Variants in COL23A1 observed in about 807,000 individuals in gnomAD.
The protein encoded by COL23A1 is collagen alpha-1(XXIII) chain.
A neutral mutation model predicts 99.3 loss-of-function variants in COL23A1; 97 were observed. The ratio of observed to expected loss-of-function variants is 0.98; its 90% CI spans 0.83 to 1.16. The LOEUF is 1.16. Among genes scored for constraint, COL23A1 ranks in the 50% most tolerant of loss-of-function variants. The pLI, the probability that COL23A1 is intolerant of heterozygous loss-of-function variation, is 0.00. For missense variants in COL23A1, 762 were observed against 757.4 expected, an observed-to-expected ratio of 1.01 and a Z score of -0.07; for synonymous variants, 320 against 308.2, an observed-to-expected ratio of 1.04 and a Z score of -0.40.
At chr5:178,569,707 G>A (rs188825344) in intron 1 of COL23A1, among the ~76,000 whole-genome samples, 2 of 152,288 alleles carry the variant, frequency 1.3e-5, no homozygotes, top group East Asian at 1.9e-4. Context: ...CTGGAGCTCT[G>A]AGTCTTCTCT....
chr5:178,456,971 C>T (rs530049813), intron 2 of COL23A1, among the ~76,000 whole-genome samples: 3 of 152,244 alleles, frequency 2.0e-5, no homozygotes, highest in African/African-American at 7.2e-5. Flanking sequence ...ACAACACACC[C>T]TGTTTTGGGT....
chr5:178,367,304 G>A (rs1004237793), intron 2 of COL23A1, among the ~76,000 whole-genome samples: 1 of 152,156 alleles, frequency 6.6e-6, no homozygotes, highest in African/African-American at 2.4e-5. Context: ...TGAGAGGGGC[G>A]TTTGGCCTTG....
At chr5:178,400,228 G>C (rs867344109) in intron 2 of COL23A1, among the ~76,000 whole-genome samples, 2 of 152,116 alleles carry the variant, frequency 1.3e-5, no homozygotes, top group Middle Eastern at 3.4e-3. Context: ...TTAGCCGGGC[G>C]TGGTGGCGGG....
At position 178,306,056 on chromosome 5, in the gene COL23A1, G is replaced by A. The variant is rs1219405558; in HGVS notation, c.406+819C>T. Among the ~76,000 whole-genome samples the A allele has an allele frequency of 6.6e-6, 1 of 151,944 alleles. No individual in the cohort carries two copies. Among genetic ancestry groups the A allele is most frequent in the Non-Finnish European group, 1.5e-5 (1 of 68,002 alleles). On this transcript the variant is annotated intron_variant, in intron 3 of 28. Coordinates refer to ENST00000390654, the MANE Select transcript of COL23A1 (RefSeq NM_173465.4). The surrounding 1 kb of genome is among the most constrained non-coding windows in gnomAD (Gnocchi z 4.1). ...GACATGGTCAGTGTCACAGCAGTGGGAGACTGTGGGAGAGAGGAGAGGAGA... is the reference window on the plus strand; with the variant it reads ...GACATGGTCAGTGTCACAGCAGTGGAAGACTGTGGGAGAGAGGAGAGGAGA...
At chr5:178,351,752 C>CA (rs1294138192) in intron 2 of COL23A1, among the ~76,000 whole-genome samples, 3 of 152,122 alleles carry the variant, frequency 2.0e-5, no homozygotes, top group African/African-American at 2.4e-5. Flanking sequence ...TGTGCCCCCC[C>CA]AGTTTATATG....
rs1758690458 is a variant in COL23A1, at chr5:178,311,716, G to GTTTT, written c.362-4801_362-4798dup. 5.1e-5 allele frequency among the ~76,000 whole-genome samples: 3 copies of GTTTT among 58,986 alleles called. 1 individual carries two copies. 38.7% of individuals were successfully genotyped at this position (58,986 alleles called of 152,430 possible). A position where few individuals can be genotyped will look rare whatever the true frequency, so the allele number is the denominator to read the frequency against. ...TATAGGCCTGAGCCACTGTGTAACTGTTTTTTGTTTTGTTTTGTTTTGTTT... is the reference window on the plus strand; with the variant it reads ...TATAGGCCTGAGCCACTGTGTAACTGTTTTTTTTTTGTTTTGTTTTGTTTTGTTT... On this transcript the variant is annotated intron_variant, in intron 2 of 28. Transcript: ENST00000390654.
intron 17 of COL23A1, among the ~76,000 whole-genome samples, chr5:178,252,070 C>A (rs372145476): frequency 7.1e-4 from 108 of 152,084 alleles, no homozygotes; most frequent in African/African-American, 2.4e-3. Flanking sequence ...TGTGCCACCA[C>A]GCCCGGCTAA....
chr5:178,390,404 C>T (rs1017179760), intron 2 of COL23A1, among the ~76,000 whole-genome samples: 2 of 152,184 alleles, frequency 1.3e-5, no homozygotes, highest in African/African-American at 4.8e-5. Flanking sequence ...CTCAGTGTGG[C>T]AGAAAGGTAT....
At chr5:178,263,115 C>T in intron 9 of COL23A1, 93 bp downstream of exon 9, 3 of 924,174 alleles carry the variant, frequency 3.2e-6, no homozygotes, top group East Asian at 2.4e-5. Flanking sequence ...GGGGTCTGCA[C>T]TAGAGATGGG....
rs554361026 is a variant in COL23A1, at chr5:178,265,993, A to G, written c.522+1314T>C. On this transcript the variant is annotated intron_variant, in intron 8 of 28. Transcript: ENST00000390654. ...AACCTCCCAAGAGAGCCTAACCCTTACCCAGGGGCCATGAGAGATAATGGC... is the reference window on the plus strand; with the variant it reads ...AACCTCCCAAGAGAGCCTAACCCTTGCCCAGGGGCCATGAGAGATAATGGC... Among the ~76,000 whole-genome samples, 3 of 151,894 alleles carry G rather than the reference A, an allele frequency of 2.0e-5. No individual in the cohort carries two copies. The South Asian group carries it at 6.2e-4, about 32-fold the overall frequency.
At position 178,240,723 on chromosome 5, in the gene COL23A1, G is replaced by A. The variant is rs545703418; in HGVS notation, c.1581+1319C>T. On this transcript the variant is annotated intron_variant, in intron 27 of 28. Coordinates refer to ENST00000390654, the MANE Select transcript of COL23A1 (RefSeq NM_173465.4). ...TCCGAGGGGAGCGGTATCCCCCACT[G>A]CAGGGATAAGGACACTGAGGAACAG... 2.6e-5 allele frequency among the ~76,000 whole-genome samples: 4 copies of A among 152,328 alleles called. No individual in the cohort carries two copies. The South Asian group carries it at 8.3e-4, about 32-fold the overall frequency.
At position 178,307,205 on chromosome 5, in the gene COL23A1, C is replaced by T. The variant is rs112278135; in HGVS notation, c.362-286G>A. 4.1e-3 allele frequency among the ~76,000 whole-genome samples: 620 copies of T among 152,316 alleles called. 8 individuals carry two copies. Among genetic ancestry groups the T allele is most frequent in the South Asian group, 0.022 (104 of 4,826 alleles). On this transcript the variant is annotated intron_variant, in intron 2 of 28. Coordinates refer to ENST00000390654, the MANE Select transcript of COL23A1 (RefSeq NM_173465.4). This position sits in a 1 kb window ranked among gnomAD's most constrained non-coding sequence, Gnocchi z 4.2. ...TCGGCTCACTCAGTCATTCCTAAGC[C>T]CTCCCCTAATCACAAAGATTCCCAT...
At chr5:178,312,346 C>T (rs536916219) in intron 2 of COL23A1, among the ~76,000 whole-genome samples, 2 of 152,178 alleles carry the variant, frequency 1.3e-5, no homozygotes, top group South Asian at 2.1e-4. Context: ...TGACTCTGGA[C>T]GTCTGAGAGC....
intron 2 of COL23A1, among the ~76,000 whole-genome samples, chr5:178,490,615 AT>A (rs1161302097): frequency 1.3e-5 from 2 of 151,952 alleles, no homozygotes; most frequent in Non-Finnish European, 2.9e-5. Context: ...AAAAAAAAAA[AT>A]CTTTAAAAAA....
intron 2 of COL23A1, among the ~76,000 whole-genome samples, chr5:178,322,988 C>T (rs1030371454): frequency 6.6e-5 from 10 of 152,162 alleles, no homozygotes; most frequent in African/African-American, 2.2e-4. Flanking sequence ...ATCTGCAGGG[C>T]CCTTCCTGGT....
intron 2 of COL23A1, among the ~76,000 whole-genome samples, chr5:178,479,964 T>C (rs977726281): frequency 6.6e-6 from 1 of 152,102 alleles, no homozygotes; most frequent in African/African-American, 2.4e-5. Flanking sequence ...GCTACAAACC[T>C]GTACAGCCTG....
chr5:178,463,585 T>C (rs1425120855), intron 2 of COL23A1, among the ~76,000 whole-genome samples: 49 of 152,162 alleles, frequency 3.2e-4, no homozygotes, highest in Non-Finnish European at 4.3e-4. Context: ...CAGGTATTGT[T>C]AGTGTCTCTG....
At position 178,255,088 on chromosome 5, in the gene COL23A1, G is replaced by T; in HGVS notation, c.883-62C>A. On this transcript the variant is annotated intron_variant, in intron 15 of 28. Transcript: ENST00000390654. The surrounding 1 kb of genome is among the most constrained non-coding windows in gnomAD (Gnocchi z 4.2). ...GCTACACTGAGTTGGAGGTGAAGTG[G>T]CAGCTGTCCCTGCATCACATCCAGA... 7.3e-7 allele frequency: 1 copy of T among 1,376,502 alleles called. No individual in the cohort carries two copies. Among genetic ancestry groups the T allele is most frequent in the Non-Finnish European group, 1.0e-6 (1 of 966,376 alleles). 85.3% of individuals were successfully genotyped at this position (1,376,502 alleles called of 1,614,324 possible).
At chr5:178,348,457 G>A (rs564769479) in intron 2 of COL23A1, among the ~76,000 whole-genome samples, 1 of 152,256 alleles carries the variant, frequency 6.6e-6, no homozygotes, top group East Asian at 1.9e-4. Flanking sequence ...CTGTCATGCT[G>A]CATTCTGGTC....
Sources: allele counts gnomAD v4.1 joint callset (sites outside exome capture counted in the v4.1 genomes callset), GRCh38; gene constraint gnomAD v4.1.1; non-coding constraint Gnocchi (gnomAD v3.1); transcripts MANE v1.5; gene names NCBI Gene and HGNC (gene_info 2026-07-23, HGNC 2026-07-21).